Variants in COL21A1 observed in about 807,000 individuals in gnomAD.
COL21A1 encodes collagen alpha-1(XXI) chain.
COL21A1 carries 149 observed loss-of-function variants against 137.9 expected under a neutral mutation model. The observed-to-expected ratio is 1.08, with a 90% CI of 0.95 to 1.24. The LOEUF is 1.24. Ranked by LOEUF, COL21A1 falls within the 50% of genes most tolerant of loss-of-function variation. COL21A1 has a pLI of 0.00. For synonymous variants in COL21A1, 456 were observed against 391.5 expected (o/e 1.16, Z -1.95); for missense variants, 1,167 against 1,158.4 (o/e 1.01, Z -0.11).
At chr6:56,305,164 A>G (rs1764410585) in intron 1 of COL21A1, among the ~76,000 whole-genome samples, 1 of 152,114 alleles carries the variant, frequency 6.6e-6, no homozygotes, top group African/African-American at 2.4e-5. Flanking sequence ...TATGTGGTCA[A>G]TTTTGGAATA....
chr6:56,109,886 A>G (rs2397202), intron 16 of COL21A1, among the ~76,000 whole-genome samples: 6 of 152,016 alleles, frequency 3.9e-5, no homozygotes, highest in Admixed American at 3.9e-4. Context: ...CACACAACAC[A>G]CCTGCAAAGC....
At chr6:56,374,338 C>T (rs1354316267) in intron 1 of COL21A1, among the ~76,000 whole-genome samples, 2 of 152,116 alleles carry the variant, frequency 1.3e-5, no homozygotes, top group East Asian at 1.9e-4. Flanking sequence ...AAATGCCAAG[C>T]TGCAAATAAT....
chr6:56,230,106 A>G (rs7741531), intron 1 of COL21A1, among the ~76,000 whole-genome samples: 2,608 of 152,018 alleles, frequency 0.017, 73 homozygotes, highest in African/African-American at 0.06. Context: ...ATGTGTCACA[A>G]TGTAAAATTT....
At chr6:56,352,653 A>G (rs1035567958) in intron 1 of COL21A1, among the ~76,000 whole-genome samples, 1 of 152,218 alleles carries the variant, frequency 6.6e-6, no homozygotes, top group Non-Finnish European at 1.5e-5. Context: ...TCCATTAAGT[A>G]TACTAGCAGA....
intron 1 of COL21A1, among the ~76,000 whole-genome samples, chr6:56,309,365 C>T (rs1358222168): frequency 6.6e-6 from 1 of 152,156 alleles, no homozygotes; most frequent in South Asian, 2.1e-4. Context: ...TCAGATCACC[C>T]TTTTTGCAGG....
intron 10 of COL21A1, among the ~76,000 whole-genome samples, chr6:56,146,878 T>A (rs1774876912): frequency 2.6e-5 from 4 of 152,126 alleles, no homozygotes; most frequent in Admixed American, 2.6e-4. Context: ...TCTAATCCTC[T>A]CTCATATAGG....
At chr6:56,131,778 G>A (rs1925169) in intron 12 of COL21A1, among the ~76,000 whole-genome samples, 23,032 of 151,898 alleles carry the variant, frequency 0.15, 1,779 homozygotes, top group Middle Eastern at 0.22. Context: ...ACACACACAC[G>A]TATACATATA....
chr6:56,321,284 A>G (rs745857732), intron 1 of COL21A1, among the ~76,000 whole-genome samples: 8 of 152,152 alleles, frequency 5.3e-5, no homozygotes, highest in Non-Finnish European at 1.0e-4. Flanking sequence ...CTGCCTCCCA[A>G]ACAAAGGTGT....
chr6:56,262,648 A>T (rs1763305456), intron 1 of COL21A1, among the ~76,000 whole-genome samples: 1 of 152,162 alleles, frequency 6.6e-6, no homozygotes, highest in Non-Finnish European at 1.5e-5. Flanking sequence ...AGTATATTTT[A>T]TACTAGAATA....
chr6:56,133,505 G>A (rs942195462), intron 12 of COL21A1, among the ~76,000 whole-genome samples: 3 of 152,154 alleles, frequency 2.0e-5, no homozygotes, highest in Non-Finnish European at 4.4e-5. Context: ...TGATAGAAAA[G>A]AAAATCCCAT....
chr6:56,183,358 A>C (rs1024262260), intron 1 of COL21A1, among the ~76,000 whole-genome samples: 1 of 152,188 alleles, frequency 6.6e-6, no homozygotes, highest in Non-Finnish European at 1.5e-5. Flanking sequence ...ACCCTTTGTC[A>C]TATAGAAATG....
intron 12 of COL21A1, among the ~76,000 whole-genome samples, chr6:56,138,038 A>AT (rs1365005248): frequency 2.0e-5 from 3 of 152,072 alleles, no homozygotes; most frequent in African/African-American, 4.8e-5. Context: ...TGAGGAAAGG[A>AT]TTTTTTTAAA....
At chr6:56,361,156 G>A (rs1055517108) in intron 1 of COL21A1, among the ~76,000 whole-genome samples, 7 of 152,050 alleles carry the variant, frequency 4.6e-5, no homozygotes, top group Admixed American at 1.3e-4. Flanking sequence ...AGAGACTTTC[G>A]GGTTTTATGA....
intron 1 of COL21A1, among the ~76,000 whole-genome samples, chr6:56,364,083 G>A (rs1044190250): frequency 2.0e-5 from 3 of 152,126 alleles, no homozygotes; most frequent in African/African-American, 7.2e-5. Context: ...GATTTCATTA[G>A]AATAGAAAAA....
At chr6:56,091,017 T>C (rs77711350) in intron 17 of COL21A1, among the ~76,000 whole-genome samples, 3 of 152,126 alleles carry the variant, frequency 2.0e-5, no homozygotes, top group Non-Finnish European at 4.4e-5. Context: ...ACTAGTGGGT[T>C]TTTCTCCTCT....
At chr6:56,240,780 A>G (rs952625341) in intron 1 of COL21A1, among the ~76,000 whole-genome samples, 5 of 152,186 alleles carry the variant, frequency 3.3e-5, no homozygotes, top group Non-Finnish European at 7.3e-5. Context: ...CTGGATGAGA[A>G]GCCATTTCCC....
Position 56,198,171 on chromosome 6 carries a change from C to T in COL21A1, c.-38-15515G>A, listed in dbSNP as rs1484168756. On this transcript the variant is annotated intron_variant, in intron 1 of 29. Transcript: ENST00000244728. ...ATGTTGAAATCTAAAAAATAAAAGT[C>T]AAACTCAGAAACAGAGAGTAGAATG... Among the ~76,000 whole-genome samples the T allele has an allele frequency of 2.0e-5, 3 of 151,634 alleles. No homozygotes were observed. In the South Asian group the frequency reaches 6.2e-4, roughly 31 times the overall value.
chr6:56,301,605 G>C (rs1764280392), intron 1 of COL21A1, among the ~76,000 whole-genome samples: 1 of 152,038 alleles, frequency 6.6e-6, no homozygotes, highest in African/African-American at 2.4e-5. Context: ...TTTCTCAAAG[G>C]GAAGAACTGG....
chr6:56,180,824 C>T (rs2152281570), intron 2 of COL21A1, among the ~76,000 whole-genome samples: 1 of 152,280 alleles, frequency 6.6e-6, no homozygotes, highest in Middle Eastern at 3.4e-3. Flanking sequence ...GAGAAGAAGA[C>T]AAATATAGCT....
Sources: allele counts gnomAD v4.1 joint callset (sites outside exome capture counted in the v4.1 genomes callset), GRCh38; gene constraint gnomAD v4.1.1; transcripts MANE v1.5; gene names NCBI Gene and HGNC (gene_info 2026-07-23, HGNC 2026-07-21).